Variants in INPP5A observed in about 807,000 individuals in gnomAD.
INPP5A encodes inositol polyphosphate-5-phosphatase A, also known as 43 kDa inositol polyphosphate 5-phophatase.
INPP5A carries 14 observed loss-of-function variants against 65.2 expected under a neutral mutation model. That is an observed-to-expected ratio of 0.21 (90% CI 0.14 to 0.34). The LOEUF is 0.34. Among genes scored for constraint, INPP5A ranks in the 10% least tolerant of loss-of-function variants. The pLI is 1.00. For synonymous variants in INPP5A, 207 were observed against 208.3 expected, an observed-to-expected ratio of 0.99 and a Z score of 0.05; for missense variants, 431 against 545.6, an observed-to-expected ratio of 0.79 and a Z score of 2.09.
At position 132,643,865 on chromosome 10, in the gene INPP5A, G is replaced by C. The variant is rs536238433; in HGVS notation, c.118-2003G>C. 1.1e-4 allele frequency among the ~76,000 whole-genome samples: 16 copies of C among 152,206 alleles called. 1 individual carries two copies. The highest frequency in any genetic ancestry group is 3.6e-4 in the African/African-American group (15 of 41,542). ...TGCTGACATCGCCTCCCACTCACAGGGGGTCGTGGAGGCTCCGGAGCTTGG... is the reference window on the plus strand; with the variant it reads ...TGCTGACATCGCCTCCCACTCACAGCGGGTCGTGGAGGCTCCGGAGCTTGG... On this transcript the variant is annotated intron_variant, in intron 2 of 15. Coordinates refer to ENST00000368594, the MANE Select transcript of INPP5A (RefSeq NM_005539.5).
At chr10:132,630,816 C>T (rs1053282583) in intron 2 of INPP5A, among the ~76,000 whole-genome samples, 34 of 151,946 alleles carry the variant, frequency 2.2e-4, no homozygotes, top group South Asian at 6.2e-4. Context: ...CGGCGGGGGA[C>T]GTGCTTCTTA....
intron 14 of INPP5A, among the ~76,000 whole-genome samples, chr10:132,781,188 ATAATT>A (rs1248151874): frequency 6.6e-6 from 1 of 152,242 alleles, no homozygotes; most frequent in East Asian, 1.9e-4. Flanking sequence ...AATAAAATAC[ATAATT>A]TAATATTTGT....
rs1226463914 is a variant in INPP5A, at chr10:132,545,885, G to A, written c.75+7714G>A. Among the ~76,000 whole-genome samples, 1 of 152,234 alleles carries A rather than the reference G, an allele frequency of 6.6e-6. No individual in the cohort carries two copies. The highest frequency in any genetic ancestry group is 2.4e-5 in the African/African-American group (1 of 41,474). On this transcript the variant is annotated intron_variant, in intron 1 of 15. Transcript: ENST00000368594. This position sits in a 1 kb window ranked among gnomAD's most constrained non-coding sequence, Gnocchi z 4.6. ...TTCAGGAAGGCCGACTGCCTCAATC[G>A]TGGTTGCTGCCTCCGCTCGGCCTGA...
At chr10:132,765,661 G>A (rs1846829314) in intron 11 of INPP5A, 112 bp from the exon 12 acceptor site, 1 of 709,934 alleles carries the variant, frequency 1.4e-6, no homozygotes, top group Non-Finnish European at 2.6e-6. Flanking sequence ...GGCGGCTCTG[G>A]GAAGAGCAGA....
In INPP5A at chr10:132,644,674, GC is replaced by G. The variant is rs1245649336; in HGVS notation, c.118-1191del. The stretch of plus-strand genomic sequence containing the variant: ...CCTCCAAGGAAGCTCGTCCTTTTGG[GC>G]CCTCAGTGGCTGTTGTAGCACCACC... On this transcript the variant is annotated intron_variant, in intron 2 of 15. Transcript: ENST00000368594. This position sits in a 1 kb window ranked among gnomAD's most constrained non-coding sequence, Gnocchi z 6.5. 2.0e-5 allele frequency among the ~76,000 whole-genome samples: 3 copies of G among 152,216 alleles called. No individual in the cohort carries two copies. The highest frequency in any genetic ancestry group is 4.4e-5 in the Non-Finnish European group (3 of 68,034).
intron 4 of INPP5A, among the ~76,000 whole-genome samples, chr10:132,671,448 C>T (rs1284322910): frequency 2.0e-5 from 3 of 152,010 alleles, no homozygotes; most frequent in East Asian, 1.9e-4. Flanking sequence ...TCGGACTCGG[C>T]CCTCCCTGCT....
intron 4 of INPP5A, among the ~76,000 whole-genome samples, chr10:132,666,959 T>C (rs1425841518): frequency 1.3e-5 from 2 of 152,156 alleles, no homozygotes; most frequent in African/African-American, 4.8e-5. Context: ...TTTAAAAAAG[T>C]TATTTTCATT....
At chr10:132,687,737 G>A (rs1845160906) in intron 4 of INPP5A, among the ~76,000 whole-genome samples, 1 of 152,196 alleles carries the variant, frequency 6.6e-6, no homozygotes, top group Non-Finnish European at 1.5e-5. Context: ...GTGCATGTGT[G>A]TGTGCACATG....
intron 4 of INPP5A, among the ~76,000 whole-genome samples, chr10:132,666,313 A>G (rs139956725): frequency 6.6e-6 from 1 of 152,310 alleles, no homozygotes; most frequent in East Asian, 1.9e-4. Flanking sequence ...CTGGTTTTAA[A>G]TCTGATTTCT....
At chr10:132,583,425 C>T (rs2071510114) in intron 1 of INPP5A, among the ~76,000 whole-genome samples, 1 of 152,126 alleles carries the variant, frequency 6.6e-6, no homozygotes, top group South Asian at 2.1e-4. Flanking sequence ...CTGGTCAGGA[C>T]CTTTGGCATC....
intron 1 of INPP5A, among the ~76,000 whole-genome samples, chr10:132,588,004 C>G (rs2071568283): frequency 8.5e-6 from 1 of 117,164 alleles, no homozygotes; most frequent in Non-Finnish European, 1.8e-5. Flanking sequence ...AAGAGTAAAA[C>G]TCCATCTCAA....
chr10:132,678,641 G>A lies in INPP5A; in HGVS notation c.307-11751G>A, dbSNP rs1308818665. 2.0e-5 allele frequency among the ~76,000 whole-genome samples: 3 copies of A among 152,144 alleles called. No individual in the cohort carries two copies. Among genetic ancestry groups the A allele is most frequent in the Admixed American group, 6.5e-5 (1 of 15,276 alleles). ...AGGAGCCGTGGAATTCCTGCCTGCC[G>A]TGACCTGGGCATTGTGGTGGAGGAC... On this transcript the variant is annotated intron_variant, in intron 4 of 15. Coordinates refer to ENST00000368594, the MANE Select transcript of INPP5A (RefSeq NM_005539.5). This position sits in a 1 kb window ranked among gnomAD's most constrained non-coding sequence, Gnocchi z 4.1.
At chr10:132,560,916 T>C (rs1397767364) in intron 1 of INPP5A, among the ~76,000 whole-genome samples, 1 of 152,178 alleles carries the variant, frequency 6.6e-6, no homozygotes, top group Non-Finnish European at 1.5e-5. Context: ...GGCTTTTTTT[T>C]TTTTTAATTG....
chr10:132,545,287 C>T lies in INPP5A; in HGVS notation c.75+7116C>T, dbSNP rs1012321849. On this transcript the variant is annotated intron_variant, in intron 1 of 15. Coordinates refer to ENST00000368594, the MANE Select transcript of INPP5A (RefSeq NM_005539.5). This position sits in a 1 kb window ranked among gnomAD's most constrained non-coding sequence, Gnocchi z 4.6. ...AAATCCAGACCCAGGCCTGCCCCAC[C>T]GTGAAGCATCAAATTTAGAGCCCCT... Among the ~76,000 whole-genome samples the T allele has an allele frequency of 2.0e-5, 3 of 152,152 alleles. No homozygotes were observed. The highest frequency in any genetic ancestry group is 4.4e-5 in the Non-Finnish European group (3 of 68,022).
At chr10:132,767,571 G>T (rs896098332) in intron 12 of INPP5A, among the ~76,000 whole-genome samples, 2 of 152,192 alleles carry the variant, frequency 1.3e-5, no homozygotes, top group Non-Finnish European at 2.9e-5. Context: ...CCTGTGGGAG[G>T]TGCAGGAAGC....
At chr10:132,742,949 T>A (rs1476689433) in intron 9 of INPP5A, among the ~76,000 whole-genome samples, 1 of 152,234 alleles carries the variant, frequency 6.6e-6, no homozygotes, top group Non-Finnish European at 1.5e-5. Context: ...TGGCTGAAAT[T>A]CGACCCAGCC....
At chr10:132,620,707 C>G (rs961610237) in intron 2 of INPP5A, among the ~76,000 whole-genome samples, 7 of 152,084 alleles carry the variant, frequency 4.6e-5, no homozygotes, top group African/African-American at 1.7e-4. Context: ...AGTCCTATAT[C>G]TATTCAATTA....
intron 11 of INPP5A, among the ~76,000 whole-genome samples, chr10:132,764,630 A>ATGGT (rs1590996994): frequency 4.3e-5 from 5 of 117,354 alleles, no homozygotes; most frequent in East Asian, 2.7e-4. Flanking sequence ...ACTCAGGAAC[A>ATGGT]CGGGCCAGTC....
At chr10:132,779,444 C>T (rs1223135355) in intron 13 of INPP5A, among the ~76,000 whole-genome samples, 2 of 152,260 alleles carry the variant, frequency 1.3e-5, no homozygotes, top group Non-Finnish European at 2.9e-5. Flanking sequence ...TGGTGAGCAG[C>T]GCCCAAGGGC....
Sources: allele counts gnomAD v4.1 joint callset (sites outside exome capture counted in the v4.1 genomes callset), GRCh38; gene constraint gnomAD v4.1.1; non-coding constraint Gnocchi (gnomAD v3.1); transcripts MANE v1.5; gene names NCBI Gene and HGNC (gene_info 2026-07-23, HGNC 2026-07-21).